The following EXOC6B variants were observed in gnomAD, a reference collection of about 807,000 sequenced individuals.
EXOC6B encodes SEC15 homolog B.
EXOC6B carries 54 observed loss-of-function variants against 113.5 expected under a neutral mutation model. The observed-to-expected ratio is 0.48, with a 90% CI of 0.38 to 0.60. EXOC6B has a LOEUF of 0.60. Ranked by LOEUF, EXOC6B falls within the 20% of genes least tolerant of loss-of-function variation. The pLI, the probability that EXOC6B is intolerant of heterozygous loss-of-function variation, is 0.00. For missense variants in EXOC6B, 797 were observed against 977.5 expected (o/e 0.82, Z 2.46); for synonymous variants, 357 against 339.0 (o/e 1.05, Z -0.58).
At chr2:72,493,332 C>CG (rs1699857638) in intron 15 of EXOC6B, among the ~76,000 whole-genome samples, 1 of 140,284 alleles carries the variant, frequency 7.1e-6, no homozygotes, top group Non-Finnish European at 1.5e-5. Flanking sequence ...CCCCCCCCCC[C>CG]CCGCATTTTT....
intron 6 of EXOC6B, among the ~76,000 whole-genome samples, chr2:72,645,570 C>A (rs1673642510): frequency 6.6e-6 from 1 of 152,098 alleles, no homozygotes; most frequent in Admixed American, 6.5e-5. Flanking sequence ...TATAAAAGAA[C>A]AGAAATCACA....
chr2:72,441,916 T>A (rs554483024), intron 18 of EXOC6B, among the ~76,000 whole-genome samples: 7 of 152,304 alleles, frequency 4.6e-5, no homozygotes, highest in African/African-American at 1.7e-4. Flanking sequence ...GCCAGCCTCA[T>A]CCTGATAGCA....
intron 6 of EXOC6B, among the ~76,000 whole-genome samples, chr2:72,687,621 GT>G (rs1207857973): frequency 6.6e-6 from 1 of 152,078 alleles, no homozygotes; most frequent in Non-Finnish European, 1.5e-5. Context: ...TAACACATTG[GT>G]AACACTGGGT....
chr2:72,657,567 CTTTTTTTT>C (rs70963136), intron 6 of EXOC6B, among the ~76,000 whole-genome samples: 2 of 50,356 alleles, frequency 4.0e-5, no homozygotes, highest in Non-Finnish European at 6.4e-5. Context: ...CTTTCCTTTT[CTTTTTTTT>C]TTTTTTTTTT....
At chr2:72,471,590 GT>G (rs1698415449) in intron 17 of EXOC6B, among the ~76,000 whole-genome samples, 1 of 151,862 alleles carries the variant, frequency 6.6e-6, no homozygotes, top group Admixed American at 6.6e-5. Flanking sequence ...GGTTTTTATG[GT>G]TTTAGGTCTA....
At chr2:72,767,577 G>A (rs1683141208) in intron 1 of EXOC6B, among the ~76,000 whole-genome samples, 1 of 150,772 alleles carries the variant, frequency 6.6e-6, no homozygotes, top group Non-Finnish European at 1.5e-5. Context: ...TGGGAGGCGA[G>A]GCCGGCGGAT....
At chr2:72,427,346 A>G (rs1302239690) in intron 18 of EXOC6B, among the ~76,000 whole-genome samples, 1 of 152,068 alleles carries the variant, frequency 6.6e-6, no homozygotes, top group Non-Finnish European at 1.5e-5. Flanking sequence ...CAAGCGCAGG[A>G]CTTGGGTGTC....
chr2:72,825,667 C>G lies in EXOC6B; in HGVS notation c.113+131G>C. On this transcript the variant is annotated intron_variant, in intron 1 of 21. Transcript: ENST00000272427. This position sits in a 1 kb window ranked among gnomAD's most constrained non-coding sequence, Gnocchi z 4.4. ...GCTGCGAAGGGAGACCCGCCTCGCC[C>G]GGTATGCAGGGTCTCTCCGAAGGGA... The G allele has an allele frequency of 8.8e-7, 1 of 1,138,818 alleles. No homozygotes were observed. 70.5% of individuals were successfully genotyped at this position (1,138,818 alleles called of 1,614,324 possible).
rs547833490 is a variant in EXOC6B, at chr2:72,572,296, C to A, written c.846+3196G>T. Among the ~76,000 whole-genome samples, 4 of 152,270 alleles carry A rather than the reference C, an allele frequency of 2.6e-5. No individual in the cohort carries two copies. In the South Asian group the frequency reaches 8.3e-4, roughly 32 times the overall value. ...CAGGGACCTTGTTAAAAAATGCAGA[C>A]TCAGACTCATTCTCAACCTGTATAA... On this transcript the variant is annotated intron_variant, in intron 7 of 21. Transcript: ENST00000272427.
At chr2:72,217,802 C>A (rs1287932979) in intron 20 of EXOC6B, among the ~76,000 whole-genome samples, 1 of 152,196 alleles carries the variant, frequency 6.6e-6, no homozygotes, top group African/African-American at 2.4e-5. Flanking sequence ...TGATGAGCAT[C>A]TTGAAGTCTC....
chr2:72,492,306 G>C lies in EXOC6B; in HGVS notation c.1665+12C>G. On this transcript the variant is annotated intron_variant, in intron 16 of 21. Coordinates refer to ENST00000272427, the MANE Select transcript of EXOC6B (RefSeq NM_015189.3). ...ATACTGGCTCGGCTGCCTTCATTAG[G>C]AGCAGGTTTACCTCAGTAAGCCCAA... The C allele has an allele frequency of 1.9e-6, 3 of 1,553,050 alleles. No homozygotes were observed. Among genetic ancestry groups the C allele is most frequent in the Non-Finnish European group, 2.7e-6 (3 of 1,125,492 alleles).
intron 18 of EXOC6B, among the ~76,000 whole-genome samples, chr2:72,456,454 G>C (rs1201061900): frequency 2.6e-5 from 4 of 152,128 alleles, no homozygotes; most frequent in Non-Finnish European, 5.9e-5. Context: ...CATGCAAGCT[G>C]CTGCACTATA....
intron 18 of EXOC6B, among the ~76,000 whole-genome samples, chr2:72,429,247 C>T (rs1412853305): frequency 6.6e-6 from 1 of 152,134 alleles, no homozygotes; most frequent in Non-Finnish European, 1.5e-5. Flanking sequence ...CTAACCTCAC[C>T]ATTGGGTTAG....
At chr2:72,206,428 ACTACTATCAGTTC>A (rs1487307789) in intron 20 of EXOC6B, among the ~76,000 whole-genome samples, 4 of 152,174 alleles carry the variant, frequency 2.6e-5, no homozygotes, top group African/African-American at 9.7e-5. Flanking sequence ...CTCCTTGAAC[ACTACTATCAGTTC>A]CTTAGATTTA....
chr2:72,277,818 A>G (rs1362917565), intron 20 of EXOC6B, among the ~76,000 whole-genome samples: 1 of 148,446 alleles, frequency 6.7e-6, no homozygotes, highest in African/African-American at 2.6e-5. Flanking sequence ...GTAAGTAGCA[A>G]ATCATTTCAC....
At chr2:72,488,480 C>A (rs144574138) in intron 16 of EXOC6B, among the ~76,000 whole-genome samples, 161 of 152,186 alleles carry the variant, frequency 1.1e-3, no homozygotes, top group African/African-American at 3.8e-3. Context: ...AACATCTCAA[C>A]CTATATGTCT....
chr2:72,766,631 G>A (rs1004078738), intron 1 of EXOC6B, among the ~76,000 whole-genome samples: 1 of 151,944 alleles, frequency 6.6e-6, no homozygotes, highest in Non-Finnish European at 1.5e-5. Flanking sequence ...CTCCATAGAT[G>A]GTTTACCAGC....
intron 13 of EXOC6B, among the ~76,000 whole-genome samples, chr2:72,496,986 T>C (rs904023897): frequency 1.4e-5 from 2 of 139,742 alleles, no homozygotes; most frequent in African/African-American, 5.6e-5. Context: ...ATTATTATTA[T>C]TATTAGAGAC....
rs1437006887 is a variant in EXOC6B at position 72,415,204 on chromosome 2, C to G, written c.1981-35334G>C. ...ATAATGAGCTTTACGGTTCTAAATT[C>G]AGCTAAATTAAAGAAGCCAAATATC... On this transcript the variant is annotated intron_variant, in intron 18 of 21. Transcript: ENST00000272427. Among the ~76,000 whole-genome samples the G allele has an allele frequency of 2.0e-5, 3 of 152,074 alleles. No individual in the cohort carries two copies. The East Asian group carries it at 5.8e-4, about 29-fold the overall frequency.
Sources: allele counts gnomAD v4.1 joint callset (sites outside exome capture counted in the v4.1 genomes callset), GRCh38; gene constraint gnomAD v4.1.1; non-coding constraint Gnocchi (gnomAD v3.1); transcripts MANE v1.5; gene names NCBI Gene and HGNC (gene_info 2026-07-23, HGNC 2026-07-21).